KPNA3: variants seen among roughly 807,000 people sequenced by gnomAD.
KPNA3 encodes importin subunit alpha-4.
In KPNA3, 13 loss-of-function variants were observed where a neutral mutation model predicts 73.8. The ratio of observed to expected loss-of-function variants is 0.18; its 90% CI spans 0.11 to 0.28. KPNA3 has a LOEUF of 0.28. Ranked by LOEUF, KPNA3 falls within the 10% of genes least tolerant of loss-of-function variation. KPNA3 has a pLI of 1.00. For synonymous variants in KPNA3, 186 were observed against 206.9 expected, an observed-to-expected ratio of 0.90 and a Z score of 0.87; for missense variants, 360 against 618.1, an observed-to-expected ratio of 0.58 and a Z score of 4.43.
intron 1 of KPNA3, among the ~76,000 whole-genome samples, chr13:49,764,378 A>G (rs1954793011): frequency 6.6e-6 from 1 of 152,094 alleles, no homozygotes; most frequent in Admixed American, 6.5e-5. Flanking sequence ...TAAGCTCTCA[A>G]TGCTTACTGT....
At position 49,705,763 on chromosome 13, in the gene KPNA3, C is replaced by T. The variant is rs1954201941; in HGVS notation, c.1230G>A (p.Gln410=). The stretch of plus-strand genomic sequence containing the variant: ...AATTACAGAACGGTGGTATTACATT[C>T]TGCTGTACAAGGTACTCAACCTAGA... The part of the protein sequence containing the change: ...RKDQVEYLVQ[Q]NVIPPFCNLL... The change falls in exon 15 of 17, where the codon CAG becomes CAA. Residue 410 remains glutamine (Q), a synonymous_variant. Coordinates refer to ENST00000261667, the MANE Select transcript of KPNA3 (RefSeq NM_002267.4). 6.2e-7 allele frequency: 1 copy of T among 1,613,104 alleles called. No homozygotes were observed.
At chr13:49,792,301 C>T (rs1267815957) in intron 1 of KPNA3, 137 bp downstream of exon 1, 9 of 329,894 alleles carry the variant, frequency 2.7e-5, no homozygotes. Context: ...CAGCCCGGGG[C>T]CGCGGTGACG....
chr13:49,753,601 C>T (rs984458851), intron 1 of KPNA3, among the ~76,000 whole-genome samples: 6 of 152,180 alleles, frequency 3.9e-5, no homozygotes, highest in Non-Finnish European at 7.3e-5. Flanking sequence ...ATCCCTGGGC[C>T]GTGAACTGGT....
intron 1 of KPNA3, among the ~76,000 whole-genome samples, chr13:49,753,847 G>A (rs1025454927): frequency 1.3e-5 from 2 of 152,122 alleles, no homozygotes; most frequent in East Asian, 3.8e-4. Flanking sequence ...TCCCCGACCC[G>A]CCATTCATGG....
At chr13:49,753,878 C>A (rs1017255162) in intron 1 of KPNA3, among the ~76,000 whole-genome samples, 1 of 152,212 alleles carries the variant, frequency 6.6e-6, no homozygotes, top group Non-Finnish European at 1.5e-5. Context: ...TTCCACAAAA[C>A]TGGCCCCTGG....
intron 1 of KPNA3, among the ~76,000 whole-genome samples, chr13:49,765,066 CT>C (rs77107241): frequency 0.11 from 16,826 of 152,262 alleles, 1,154 homozygotes; most frequent in South Asian, 0.26. Flanking sequence ...CCATGTTGCT[CT>C]TCCCAAGGTT....
At chr13:49,737,114 T>A (rs940929897) in intron 2 of KPNA3, among the ~76,000 whole-genome samples, 29 of 152,182 alleles carry the variant, frequency 1.9e-4, no homozygotes, top group Non-Finnish European at 3.5e-4. Flanking sequence ...AAAGGCCATC[T>A]GTGTTGTTTC....
rs754370752 is a variant in KPNA3, at chr13:49,706,317, G to A, written c.1088C>T (p.Ala363Val). The A allele has an allele frequency of 6.2e-7, 1 of 1,614,096 alleles. No individual in the cohort carries two copies. The highest frequency in any genetic ancestry group is 1.1e-5 in the South Asian group (1 of 91,072). Residue 363 changes from alanine (A) to valine (V), a missense_variant, in exon 13 of 17, where the codon GCT (alanine) becomes GTT (valine). Coordinates refer to ENST00000261667, the MANE Select transcript of KPNA3 (RefSeq NM_002267.4). ...AGGAATTAATCCAGCATCTATTACA[G>A]CTTGAACTTGTTGCTGGTTGCCTGC... ...ITAGNQQQVQ[A>V]VIDAGLIPMI...
intron 12 of KPNA3, 33 bp from the exon 13 acceptor site, chr13:49,706,405 T>TTTG: frequency 1.4e-6 from 2 of 1,415,184 alleles, no homozygotes; most frequent in Non-Finnish European, 2.0e-6. Flanking sequence ...GCACCTTTAT[T>TTTG]TGAAAAATAA....
chr13:49,758,688 ATG>A (rs942145417), intron 1 of KPNA3, among the ~76,000 whole-genome samples: 2 of 152,196 alleles, frequency 1.3e-5, no homozygotes, highest in African/African-American at 2.4e-5. Flanking sequence ...TATGCATTAT[ATG>A]TGTGTGTTTA....
chr13:49,738,853 G>C (rs1047205350), intron 2 of KPNA3, among the ~76,000 whole-genome samples: 1 of 152,090 alleles, frequency 6.6e-6, no homozygotes, highest in Non-Finnish European at 1.5e-5. Context: ...GCACTGGCTA[G>C]AACTTCCAGC....
At chr13:49,724,637 G>A (rs980385257) in intron 7 of KPNA3, among the ~76,000 whole-genome samples, 1 of 150,502 alleles carries the variant, frequency 6.6e-6, no homozygotes, top group Admixed American at 6.6e-5. Context: ...TCACTCTGTC[G>A]CCGGGGCTGG....
chr13:49,764,821 A>G (rs1302670891), intron 1 of KPNA3, among the ~76,000 whole-genome samples: 1 of 151,958 alleles, frequency 6.6e-6, no homozygotes, highest in African/African-American at 2.4e-5. Context: ...TCTTTTGCCA[A>G]AATTTTTGAA....
intron 1 of KPNA3, among the ~76,000 whole-genome samples, chr13:49,767,013 T>TA (rs1197496399): frequency 4.6e-5 from 7 of 151,660 alleles, no homozygotes; most frequent in Non-Finnish European, 5.9e-5. Flanking sequence ...TTTTTTTTTT[T>TA]TATAATTTTA....
At chr13:49,727,725 G>A (rs1191064653) in intron 6 of KPNA3, among the ~76,000 whole-genome samples, 1 of 152,168 alleles carries the variant, frequency 6.6e-6, no homozygotes, top group East Asian at 1.9e-4. Context: ...ACATGATCTA[G>A]TTTGAGGCAC....
intron 1 of KPNA3, among the ~76,000 whole-genome samples, chr13:49,762,162 G>T (rs375843663): frequency 1.3e-5 from 2 of 149,894 alleles, no homozygotes; most frequent in Admixed American, 6.6e-5. Context: ...GTGGGGGGCA[G>T]CCCCCGCCCG....
At chr13:49,763,675 C>G (rs1954786486) in intron 1 of KPNA3, among the ~76,000 whole-genome samples, 1 of 152,178 alleles carries the variant, frequency 6.6e-6, no homozygotes, top group African/African-American at 2.4e-5. Flanking sequence ...TGCCTCACAC[C>G]TGTAATCCCA....
intron 1 of KPNA3, among the ~76,000 whole-genome samples, chr13:49,767,434 G>GA (rs938024017): frequency 6.7e-6 from 1 of 149,568 alleles, no homozygotes; most frequent in African/African-American, 2.5e-5. Context: ...AAAAAAAGAA[G>GA]AAAAAAAGAA....
At chr13:49,704,430 AT>A (rs1233627262) in intron 15 of KPNA3, among the ~76,000 whole-genome samples, 167 of 83,870 alleles carry the variant, frequency 2.0e-3, no homozygotes, top group South Asian at 6.6e-3. Flanking sequence ...AAATAAATAA[AT>A]AAAAAATAAA....
Sources: gnomAD v4.1 joint callset for allele counts (sites outside exome capture counted in the v4.1 genomes callset) on GRCh38, gnomAD v4.1.1 for gene constraint, MANE v1.5 for transcripts, NCBI Gene and HGNC (gene_info 2026-07-23, HGNC 2026-07-21) for gene names.